ZFHX3: variants seen among roughly 807,000 people sequenced by gnomAD.
ZFHX3 encodes the protein zinc finger homeobox 3.
ZFHX3 carries 42 observed loss-of-function variants against 279.1 expected under a neutral mutation model. That is an observed-to-expected ratio of 0.15 (90% CI 0.12 to 0.19). The LOEUF is 0.19. Ranked by LOEUF, ZFHX3 falls within the 10% of genes least tolerant of loss-of-function variation. The probability of loss-of-function intolerance (pLI) is 1.00; values close to 1 mark genes in which losing one functional copy is unlikely to be tolerated. For synonymous variants in ZFHX3, 2,293 were observed against 1,957.8 expected, an observed-to-expected ratio of 1.17 and a Z score of -4.52; for missense variants, 4,981 against 4,754.0, an observed-to-expected ratio of 1.05 and a Z score of -1.40.
intron 2 of ZFHX3, among the ~76,000 whole-genome samples, chr16:73,541,812 T>G (rs1171758735): frequency 8.1e-6 from 1 of 123,360 alleles, no homozygotes; most frequent in Non-Finnish European, 1.7e-5. Context: ...TTTTTTTTTT[T>G]TTTTCCCTGA....
chr16:73,554,636 C>G (rs1214059787), intron 2 of ZFHX3: 1 of 152,192 alleles, frequency 6.6e-6, no homozygotes, highest in African/African-American at 2.4e-5. Context: ...TGGCTAATTT[C>G]TGGCTTTCAC....
chr16:72,794,895 A>G lies in ZFHX3; in HGVS notation c.7787T>C (p.Ile2596Thr), dbSNP rs772585956. ...SQLLSGAIPQIPASSATSPST... is the reference protein window; with the variant it reads ...SQLLSGAIPQTPASSATSPST... ...AGGAGAAGTGGCTGAGCTTGCTGGAATCTGAGGTATGGCCCCAGAGAGCAG... is the reference window on the plus strand; with the variant it reads ...AGGAGAAGTGGCTGAGCTTGCTGGAGTCTGAGGTATGGCCCCAGAGAGCAG... Residue 2596 changes from isoleucine (I) to threonine (T), a missense_variant, in exon 9 of 10, where the codon ATT (isoleucine) becomes ACT (threonine). This residue lies in a region of ZFHX3 where 744 missense variants were observed against 701.3 expected (regional missense o/e 1.06). Transcript: ENST00000268489. The surrounding 1 kb of genome is among the most constrained non-coding windows in gnomAD (Gnocchi z 4.2). 1.2e-6 allele frequency: 2 copies of G among 1,614,034 alleles called. No homozygotes were observed. Among genetic ancestry groups the G allele is most frequent in the Admixed American group, 1.7e-5 (1 of 60,010 alleles).
chr16:73,439,974 A>T (rs962836170), intron 3 of ZFHX3, among the ~76,000 whole-genome samples: 3 of 148,504 alleles, frequency 2.0e-5, no homozygotes, highest in Non-Finnish European at 3.0e-5. Context: ...GCTTCAAAAG[A>T]GGTTACGGTG....
intron 6 of ZFHX3, chr16:73,134,601 C>G (rs1966756014): frequency 6.6e-6 from 1 of 152,112 alleles, no homozygotes; most frequent in Non-Finnish European, 1.5e-5. Context: ...TCCCAAAGTG[C>G]TGGGATTACA....
intron 3 of ZFHX3, 73 bp from the exon 4 acceptor site, chr16:72,890,035 A>G: frequency 1.5e-6 from 2 of 1,367,952 alleles, no homozygotes; most frequent in Non-Finnish European, 2.0e-6. Flanking sequence ...AGCCCACACC[A>G]TCCTGGTCAC....
intron 1 of ZFHX3, among the ~76,000 whole-genome samples, chr16:73,696,373 G>A (rs1034593863): frequency 6.6e-6 from 1 of 152,200 alleles, no homozygotes; most frequent in African/African-American, 2.4e-5. Flanking sequence ...GTGGATATAA[G>A]AGTCATACCT....
At chr16:73,505,308 C>G (rs1456829726) in intron 2 of ZFHX3, among the ~76,000 whole-genome samples, 2 of 152,066 alleles carry the variant, frequency 1.3e-5, no homozygotes, top group Non-Finnish European at 2.9e-5. Context: ...ATAATAATAA[C>G]AAAATGCTCG....
At chr16:73,243,144 G>A (rs1317766675) in intron 5 of ZFHX3, among the ~76,000 whole-genome samples, 1 of 152,176 alleles carries the variant, frequency 6.6e-6, no homozygotes, top group African/African-American at 2.4e-5. Flanking sequence ...GCTCAGGCTG[G>A]CTCACCTCTG....
At chr16:73,851,943 C>T (rs1961603843) in intron 1 of ZFHX3, among the ~76,000 whole-genome samples, 1 of 152,100 alleles carries the variant, frequency 6.6e-6, no homozygotes. Flanking sequence ...GTGGGCAAGT[C>T]CAGGGATGCC....
intron 4 of ZFHX3, among the ~76,000 whole-genome samples, chr16:72,835,585 AAT>A: frequency 6.6e-6 from 1 of 152,170 alleles, no homozygotes; most frequent in African/African-American, 2.4e-5. Flanking sequence ...TTTTCAACCT[AAT>A]TAACCCAAGG....
intron 1 of ZFHX3, among the ~76,000 whole-genome samples, chr16:73,038,435 G>A (rs779944985): frequency 1.3e-5 from 2 of 151,554 alleles, no homozygotes; most frequent in South Asian, 2.1e-4. Flanking sequence ...AGTAGAAAAC[G>A]ACCTGACGTC....
intron 2 of ZFHX3, among the ~76,000 whole-genome samples, chr16:73,470,956 G>A (rs944916950): frequency 2.0e-5 from 3 of 152,198 alleles, no homozygotes; most frequent in African/African-American, 7.2e-5. Context: ...AGAAGTGAAT[G>A]TGAGCATCTC....
intron 6 of ZFHX3, chr16:73,137,410 C>G (rs920956017): frequency 5.3e-5 from 8 of 152,042 alleles, no homozygotes; most frequent in African/African-American, 1.9e-4. Flanking sequence ...GAAATCGCCC[C>G]CAGAGTTCTC....
At chr16:73,863,081 C>CT (rs1385930348) in intron 1 of ZFHX3, among the ~76,000 whole-genome samples, 2 of 152,142 alleles carry the variant, frequency 1.3e-5, no homozygotes, top group East Asian at 3.9e-4. Context: ...TGGCAGGCGC[C>CT]TGTAATCCCA....
At chr16:73,715,914 C>T (rs893642552) in intron 1 of ZFHX3, among the ~76,000 whole-genome samples, 1 of 152,084 alleles carries the variant, frequency 6.6e-6, no homozygotes, top group African/African-American at 2.4e-5. Flanking sequence ...GCTCCAAATC[C>T]AGTGGTCTTT....
At chr16:73,440,127 G>A (rs2018064639) in intron 3 of ZFHX3, among the ~76,000 whole-genome samples, 2 of 152,102 alleles carry the variant, frequency 1.3e-5, no homozygotes, top group Non-Finnish European at 2.9e-5. Context: ...TTACTGAACT[G>A]CCAAACTGCC....
At chr16:72,989,709 AG>A (rs1434837098) in intron 1 of ZFHX3, among the ~76,000 whole-genome samples, 1 of 152,224 alleles carries the variant, frequency 6.6e-6, no homozygotes, top group East Asian at 1.9e-4. Flanking sequence ...TAACAGGAGA[AG>A]CAAGATGCAG....
At chr16:72,889,394 G>T (rs924416418) in intron 4 of ZFHX3, among the ~76,000 whole-genome samples, 1 of 151,650 alleles carries the variant, frequency 6.6e-6, no homozygotes, top group Non-Finnish European at 1.5e-5. Flanking sequence ...TAGAATAGAG[G>T]AGAGTATCTT....
chr16:73,644,685 C>CA (rs11414798), intron 2 of ZFHX3, among the ~76,000 whole-genome samples: 87,327 of 151,642 alleles, frequency 0.58, 28,009 homozygotes, highest in East Asian at 0.83. Flanking sequence ...CAAAACTAAA[C>CA]AAAAAAACCT....
Sources: gnomAD v4.1 joint callset for allele counts (sites outside exome capture counted in the v4.1 genomes callset) on GRCh38, gnomAD v4.1.1 for gene constraint, gnomAD v4.1.1 regional missense constraint, Gnocchi (gnomAD v3.1) non-coding constraint, MANE v1.5 for transcripts, NCBI Gene and HGNC (gene_info 2026-07-23, HGNC 2026-07-21) for gene names.